FBN2: variants seen among roughly 807,000 people sequenced by gnomAD.
The protein encoded by FBN2 is fibrillin-2.
A neutral mutation model predicts 355.6 loss-of-function variants in FBN2; 105 were observed. That is an observed-to-expected ratio of 0.30 (90% CI 0.25 to 0.35). The LOEUF (loss-of-function observed/expected upper bound fraction) is 0.35. Ranked by LOEUF, FBN2 falls within the 10% of genes least tolerant of loss-of-function variation. The pLI, the probability that FBN2 is intolerant of heterozygous loss-of-function variation, is 1.00. For missense variants in FBN2, 3,280 were observed against 3,758.7 expected, an observed-to-expected ratio of 0.87 and a Z score of 3.33; for synonymous variants, 1,350 against 1,301.2, an observed-to-expected ratio of 1.04 and a Z score of -0.81.
At chr5:128,448,832 G>A (rs189759064) in intron 6 of FBN2, among the ~76,000 whole-genome samples, 5 of 152,042 alleles carry the variant, frequency 3.3e-5, no homozygotes, top group Admixed American at 2.6e-4. Flanking sequence ...GGAATTGTTG[G>A]AATTGTCGTC....
intron 42 of FBN2, among the ~76,000 whole-genome samples, chr5:128,306,231 T>C (rs1749872495): frequency 6.6e-6 from 1 of 152,224 alleles, no homozygotes; most frequent in African/African-American, 2.4e-5. Flanking sequence ...CTTCTTCAGG[T>C]TACCCTAAGT....
intron 55 of FBN2, among the ~76,000 whole-genome samples, chr5:128,285,207 G>GTTTA (rs1749115165): frequency 6.6e-5 from 1 of 15,058 alleles, no homozygotes; most frequent in African/African-American, 1.6e-4. Flanking sequence ...TTTTGGGTAA[G>GTTTA]TTTGATTCCA....
chr5:128,464,928 T>C lies in FBN2; in HGVS notation c.629-7A>G, dbSNP rs1754668415. 6.2e-7 allele frequency: 1 copy of C among 1,614,032 alleles called. No homozygotes were observed. Among genetic ancestry groups the C allele is most frequent in the Non-Finnish European group, 8.5e-7 (1 of 1,179,864 alleles). ...CACGGGCCTGTCCTGTAATCTGGAA[T>C]GTGGGAGAAGAAAGAAAGACAGGTT... On this transcript the variant is annotated splice_polypyrimidine_tract_variant and splice_region_variant and intron_variant, in intron 5 of 64. Coordinates refer to ENST00000262464, the MANE Select transcript of FBN2 (RefSeq NM_001999.4).
At chr5:128,268,999 A>G (rs762440360) in intron 62 of FBN2, among the ~76,000 whole-genome samples, 38 of 152,194 alleles carry the variant, frequency 2.5e-4, no homozygotes, top group Non-Finnish European at 3.4e-4. Flanking sequence ...CTCCTATTCA[A>G]CATAGTATTG....
chr5:128,390,240 T>A (rs1397078886), intron 11 of FBN2, among the ~76,000 whole-genome samples: 2 of 152,208 alleles, frequency 1.3e-5, no homozygotes, highest in Non-Finnish European at 2.9e-5. Context: ...ACTTTTTGTA[T>A]ATGACCTACA....
intron 23 of FBN2, among the ~76,000 whole-genome samples, chr5:128,345,906 C>A (rs1380866589): frequency 6.6e-6 from 1 of 152,188 alleles, no homozygotes; most frequent in African/African-American, 2.4e-5. Context: ...AATGATAATT[C>A]TTCCTGTTCA....
chr5:128,534,601 G>C (rs192128516), intron 2 of FBN2, among the ~76,000 whole-genome samples: 145 of 152,250 alleles, frequency 9.5e-4, no homozygotes, highest in Non-Finnish European at 1.6e-3. Flanking sequence ...TTTCTGATAC[G>C]TGTAAATTCC....
chr5:128,449,168 G>A (rs866311224), intron 6 of FBN2, among the ~76,000 whole-genome samples: 15 of 150,628 alleles, frequency 1.0e-4, no homozygotes, highest in East Asian at 5.8e-4. Context: ...CAACAATAAC[G>A]TATTTTGGAT....
intron 42 of FBN2, 149 bp from the exon 43 acceptor site, chr5:128,306,097 G>A: frequency 1.3e-6 from 1 of 757,676 alleles, no homozygotes. Flanking sequence ...TAATTTTTTT[G>A]GTTTATAAAA....
chr5:128,465,128 G>A (rs946058369), intron 5 of FBN2, among the ~76,000 whole-genome samples: 6 of 152,218 alleles, frequency 3.9e-5, no homozygotes, highest in African/African-American at 1.4e-4. Context: ...ACTAGACACT[G>A]TAAATGGGTG....
intron 47 of FBN2, 148 bp downstream of exon 47, chr5:128,301,234 C>T (rs1203356130): frequency 3.7e-6 from 3 of 807,844 alleles, no homozygotes; most frequent in Non-Finnish European, 6.0e-6. Flanking sequence ...ATACCTTATA[C>T]TAAAATTTTC....
At position 128,536,394 on chromosome 5, in the gene FBN2, G is replaced by A. The variant is rs1160274745; in HGVS notation, c.337+8C>T. ...TGCCCCAAGCTGCGATCCCTGCCAA[G>A]CACTCACGGACAATGCACTGGTTTC... On this transcript the variant is annotated splice_region_variant and intron_variant, in intron 2 of 64. Transcript: ENST00000262464. 2 of 1,612,332 alleles carry A rather than the reference G, an allele frequency of 1.2e-6. No individual in the cohort carries two copies. The highest frequency in any genetic ancestry group is 1.7e-4 in the Middle Eastern group (1 of 6,060).
rs376610755 is a variant in FBN2 at position 128,536,538 on chromosome 5, T to C, written c.255-54A>G. The C allele has an allele frequency of 6.9e-6, 9 of 1,304,378 alleles. No individual in the cohort carries two copies. The East Asian group carries it at 2.1e-4, about 31-fold the overall frequency. The allele number at this position is 1,304,378 out of a possible 1,614,324, so 80.8% of individuals were successfully genotyped here. A position where few individuals can be genotyped will look rare whatever the true frequency, so the allele number is the denominator to read the frequency against. ...AGATAGGTAGAGGGATGCAGCAACA[T>C]ATAAACGGTCTTCGTAAGCAATGCC... On this transcript the variant is annotated intron_variant, in intron 1 of 64. Transcript: ENST00000262464.
chr5:128,288,675 C>T lies in FBN2; in HGVS notation c.6638-118G>A, dbSNP rs1293262468. On this transcript the variant is annotated intron_variant, in intron 52 of 64. Coordinates refer to ENST00000262464, the MANE Select transcript of FBN2 (RefSeq NM_001999.4). ...AGGATCTGAGAAGGGCACATGTAAC[C>T]CTGGCATCCCTTGGGCCTTGGCTGG... 2.6e-6 allele frequency: 3 copies of T among 1,162,528 alleles called. No individual in the cohort carries two copies. The African/African-American group carries it at 4.6e-5, about 18-fold the overall frequency. 72.0% of individuals were successfully genotyped at this position (1,162,528 alleles called of 1,614,324 possible).
intron 6 of FBN2, among the ~76,000 whole-genome samples, chr5:128,461,181 A>T (rs1754544303): frequency 6.6e-6 from 1 of 152,170 alleles, no homozygotes; most frequent in Non-Finnish European, 1.5e-5. Context: ...ACCCCATCAA[A>T]AAGTGGGCAA....
At position 128,309,321 on chromosome 5, in the gene FBN2, C is replaced by G. The variant is rs748580764; in HGVS notation, c.5279G>C (p.Arg1760Thr). The change falls in exon 41 of 65, where the codon AGG (arginine) becomes ACG (threonine). Residue 1760 changes from arginine (R) to threonine (T), a missense_variant. Physicochemically the swap from Arg to Thr is moderately conservative, Grantham distance 71 (BLOSUM62 -1). This residue lies in a region of FBN2 where 2,284 missense variants were observed against 2,749.5 expected (regional missense o/e 0.83). Transcript: ENST00000262464. Reference sequence around the variant, plus strand: ...CACATTATATGTGCAGCAGCACATCCTTTTTGTCACATTGAAAGGCAACTC... The same window carrying G: ...CACATTATATGTGCAGCAGCACATCGTTTTTGTCACATTGAAAGGCAACTC... ...ENELPFNVTK[R>T]MCCCTYNVGK... 2 of 1,613,972 alleles carry G rather than the reference C, an allele frequency of 1.2e-6. No individual in the cohort carries two copies. Among genetic ancestry groups the G allele is most frequent in the Non-Finnish European group, 1.7e-6 (2 of 1,179,844 alleles).
chr5:128,330,433 T>C (rs1419941745), intron 33 of FBN2, 140 bp downstream of exon 33: 4 of 824,768 alleles, frequency 4.8e-6, no homozygotes, highest in East Asian at 2.6e-5. Flanking sequence ...AAGAGAAAGA[T>C]ACATAGTCAC....
intron 54 of FBN2, 137 bp downstream of exon 54, chr5:128,287,171 A>C: frequency 9.2e-7 from 1 of 1,090,156 alleles, no homozygotes. Flanking sequence ...TAGGTATGGA[A>C]ATCTACTAGC....
At chr5:128,269,400 A>C (rs998448949) in intron 62 of FBN2, among the ~76,000 whole-genome samples, 2 of 151,230 alleles carry the variant, frequency 1.3e-5, no homozygotes, top group African/African-American at 2.4e-5. Context: ...TGGAAGTTGC[A>C]GCGAGCTGAG....
Sources: gnomAD v4.1 joint callset for allele counts (sites outside exome capture counted in the v4.1 genomes callset) on GRCh38, gnomAD v4.1.1 for gene constraint, gnomAD v4.1.1 regional missense constraint, MANE v1.5 for transcripts, NCBI Gene and HGNC (gene_info 2026-07-23, HGNC 2026-07-21) for gene names.